The following TMEM26 variants were observed in gnomAD, a reference collection of about 807,000 sequenced individuals.
TMEM26 encodes the protein transmembrane protein 26.
In TMEM26, 38 loss-of-function variants were observed where a neutral mutation model predicts 28.8. That is an observed-to-expected ratio of 1.32 (90% CI 1.02 to 1.73). TMEM26 has a LOEUF of 1.73. Among genes scored for constraint, TMEM26 ranks in the 40% most tolerant of loss-of-function variants. The probability of loss-of-function intolerance (pLI) is 0.00; values close to 1 mark genes in which losing one functional copy is unlikely to be tolerated. For missense variants in TMEM26, 518 were observed against 447.1 expected, an observed-to-expected ratio of 1.16 and a Z score of -1.43; for synonymous variants, 227 against 182.9, an observed-to-expected ratio of 1.24 and a Z score of -1.95.
chr10:61,417,841 G>C (rs954471792), intron 4 of TMEM26, among the ~76,000 whole-genome samples: 1 of 152,044 alleles, frequency 6.6e-6, no homozygotes, highest in African/African-American at 2.4e-5. Flanking sequence ...GAAGGTGGCT[G>C]TAGTGAAATG....
chr10:61,413,492 A>G lies in TMEM26; in HGVS notation c.649T>C (p.Trp217Arg). The G allele has an allele frequency of 4.3e-6, 7 of 1,613,174 alleles. No individual in the cohort carries two copies. The highest frequency in any genetic ancestry group is 5.9e-6 in the Non-Finnish European group (7 of 1,179,376). The part of the protein sequence containing the change: ...LVYAILVIWT[W>R]SMLQFPLDLA... The stretch of plus-strand genomic sequence containing the variant: ...TCAAGTGGAAACTGCAGCATGCTCC[A>G]AGTCCATATAACAAGGATGGCATAG... Residue 217 changes from tryptophan (W) to arginine (R), a missense_variant, in exon 5 of 6, where the codon TGG becomes CGG. Coordinates refer to ENST00000399298, the MANE Select transcript of TMEM26 (RefSeq NM_178505.8).
intron 4 of TMEM26, among the ~76,000 whole-genome samples, chr10:61,428,411 A>G (rs1279831428): frequency 1.3e-5 from 2 of 152,156 alleles, no homozygotes; most frequent in Non-Finnish European, 2.9e-5. Flanking sequence ...AAAATTTAGT[A>G]AAATAAAACC....
intron 5 of TMEM26, among the ~76,000 whole-genome samples, chr10:61,411,040 T>C (rs1839561171): frequency 6.6e-6 from 1 of 152,194 alleles, no homozygotes; most frequent in Non-Finnish European, 1.5e-5. Context: ...CAAGTGCTTA[T>C]AGCCCAAGCT....
In TMEM26 at chr10:61,443,321, C is replaced by A. The variant is rs1840126808; in HGVS notation, c.192-7073G>T. Reference sequence around the variant, plus strand: ...CAAAAAAAAAAAAAAAAAAATTAGCCGGTTGTGGCGGCGTGCGCCTGTAGT... The same window carrying A: ...CAAAAAAAAAAAAAAAAAAATTAGCAGGTTGTGGCGGCGTGCGCCTGTAGT... On this transcript the variant is annotated intron_variant, in intron 1 of 5. Transcript: ENST00000399298. Among the ~76,000 whole-genome samples, 4 of 150,970 alleles carry A rather than the reference C, an allele frequency of 2.6e-5. No homozygotes were observed. The South Asian group carries it at 8.4e-4, about 32-fold the overall frequency.
intron 4 of TMEM26, chr10:61,414,043 A>G: frequency 1.0e-6 from 1 of 987,288 alleles, no homozygotes; most frequent in South Asian, 4.7e-5. Context: ...AATCCAATAA[A>G]CAAAGATTTA....
chr10:61,417,837 G>A lies in TMEM26; in HGVS notation c.606-4302C>T, dbSNP rs542990666. On this transcript the variant is annotated intron_variant, in intron 4 of 5. Transcript: ENST00000399298. Reference sequence around the variant, plus strand: ...CTGACTTGTGAAAATGTTGGAAGGTGGCTGTAGTGAAATGAAAAGGTCAGC... The same window carrying A: ...CTGACTTGTGAAAATGTTGGAAGGTAGCTGTAGTGAAATGAAAAGGTCAGC... 3.9e-4 allele frequency among the ~76,000 whole-genome samples: 60 copies of A among 152,108 alleles called. No individual in the cohort carries two copies. The South Asian group carries it at 0.012, about 31-fold the overall frequency.
chr10:61,435,677 G>T (rs1839993554), intron 2 of TMEM26, among the ~76,000 whole-genome samples: 1 of 152,190 alleles, frequency 6.6e-6, no homozygotes, highest in African/African-American at 2.4e-5. Context: ...TTTTAAAAGA[G>T]ACTATTTTAA....
At chr10:61,417,465 G>GTT (rs71018971) in intron 4 of TMEM26, among the ~76,000 whole-genome samples, 67 of 139,962 alleles carry the variant, frequency 4.8e-4, no homozygotes, top group Middle Eastern at 7.0e-3. Context: ...AATTCATCTA[G>GTT]TTTTTTTTTT....
intron 1 of TMEM26, among the ~76,000 whole-genome samples, chr10:61,449,555 A>G (rs117805034): frequency 1.9e-3 from 291 of 152,330 alleles, no homozygotes; most frequent in Non-Finnish European, 3.0e-3. Flanking sequence ...ATTGTTCCAC[A>G]ATTTCTGTAG....
At chr10:61,435,399 C>T (rs1839987599) in intron 2 of TMEM26, among the ~76,000 whole-genome samples, 1 of 152,086 alleles carries the variant, frequency 6.6e-6, no homozygotes, top group Non-Finnish European at 1.5e-5. Context: ...CAGGATGGTC[C>T]CCATCTCTTG....
intron 1 of TMEM26, among the ~76,000 whole-genome samples, chr10:61,449,463 A>G (rs1386762730): frequency 1.3e-5 from 2 of 152,208 alleles, no homozygotes; most frequent in Non-Finnish European, 2.9e-5. Context: ...AAGGATAGCT[A>G]AAGAAACATT....
intron 1 of TMEM26, among the ~76,000 whole-genome samples, chr10:61,449,054 A>G (rs1270989866): frequency 6.6e-6 from 1 of 152,254 alleles, no homozygotes; most frequent in African/African-American, 2.4e-5. Flanking sequence ...TTGCCCAGAC[A>G]ATAGAAAATA....
Position 61,410,355 on chromosome 10 carries a change from TGG to T in TMEM26, c.1072_1073del (p.Pro358SerfsTer15). 1 of 1,613,760 alleles carries T rather than the reference TGG, an allele frequency of 6.2e-7. No homozygotes were observed. Among genetic ancestry groups the T allele is most frequent in the Non-Finnish European group, 8.5e-7 (1 of 1,179,802 alleles). On this transcript the variant is annotated frameshift_variant, in exon 6 of 6. Coordinates refer to ENST00000399298, the MANE Select transcript of TMEM26 (RefSeq NM_178505.8). LOFTEE classifies it low-confidence loss of function (END_TRUNC). ...TGTGGTGGGAGTCGTCGGAGGTGAC[TGG>T]GGAGCCCCGCAAAGGAATAGCCAGG... is the stretch of plus-strand genomic sequence containing the variant. ...EGLAIPLRGS[P>X]VTSDDSHHTP
At chr10:61,414,341 G>C (rs887840355) in intron 4 of TMEM26, 1 of 152,128 alleles carries the variant, frequency 6.6e-6, no homozygotes, top group Non-Finnish European at 1.5e-5. Context: ...ATTTGAGCTT[G>C]GTAGCATAAT....
chr10:61,437,818 CTT>C (rs889335776), intron 1 of TMEM26, among the ~76,000 whole-genome samples: 8 of 152,050 alleles, frequency 5.3e-5, no homozygotes, highest in Admixed American at 4.6e-4. Context: ...ACAAATTGAA[CTT>C]TATTTTAGAG....
rs139653312 is a variant in TMEM26 at position 61,431,219 on chromosome 10, C to G, written c.384G>C (p.Thr128=). Residue 128 remains threonine, a splice_region_variant and synonymous_variant, in exon 3 of 6, where the codon ACG becomes ACC. Coordinates refer to ENST00000399298, the MANE Select transcript of TMEM26 (RefSeq NM_178505.8). ...QTSRADDLIE[T]AKVFVNNLST... is the part of the protein sequence containing the mutation. ...TAATAAACAGTGGAAAAGCTCTCAC[C>G]GTCTCAATGAGATCATCAGCTCTAC... The G allele has an allele frequency of 2.5e-6, 4 of 1,609,734 alleles. No homozygotes were observed. In the African/African-American group the frequency reaches 4.0e-5, roughly 16 times the overall value.
intron 4 of TMEM26, among the ~76,000 whole-genome samples, chr10:61,417,841 G>A (rs954471792): frequency 6.6e-6 from 1 of 152,044 alleles, no homozygotes; most frequent in Non-Finnish European, 1.5e-5. Context: ...GAAGGTGGCT[G>A]TAGTGAAATG....
In TMEM26 at chr10:61,430,535, AC is replaced by A. The variant is rs1369874390; in HGVS notation, c.384+683del. Among the ~76,000 whole-genome samples, 922 of 151,556 alleles carry A rather than the reference AC, an allele frequency of 6.1e-3. 27 individuals are homozygous for A. The East Asian group carries it at 0.062, about 10-fold the overall frequency. ...ACAAAACTGCCTCTGTTCACAGTTG[AC>A]ATAATTGTCTAGGTAGAAAATCCCA... On this transcript the variant is annotated intron_variant, in intron 3 of 5. Transcript: ENST00000399298.
chr10:61,448,680 C>T (rs1409994323), intron 1 of TMEM26, among the ~76,000 whole-genome samples: 3 of 148,758 alleles, frequency 2.0e-5, no homozygotes, highest in African/African-American at 7.4e-5. Flanking sequence ...CATGCTTGCT[C>T]ATTAAGCAAT....
Sources: gnomAD v4.1 joint callset for allele counts (sites outside exome capture counted in the v4.1 genomes callset) on GRCh38, gnomAD v4.1.1 for gene constraint, MANE v1.5 for transcripts, NCBI Gene and HGNC (gene_info 2026-07-23, HGNC 2026-07-21) for gene names.